TNNI3K: variants seen among roughly 807,000 people sequenced by gnomAD.
TNNI3K encodes the protein TNNI3 interacting kinase, also known as serine/threonine-protein kinase TNNI3K.
A neutral mutation model predicts 114.5 loss-of-function variants in TNNI3K; 140 were observed. The ratio of observed to expected loss-of-function variants is 1.22; its 90% CI spans 1.07 to 1.41. TNNI3K has a LOEUF of 1.41. TNNI3K is among the 40% of genes most tolerant of loss of function. The probability of loss-of-function intolerance (pLI) is 0.00; values close to 1 mark genes in which losing one functional copy is unlikely to be tolerated. For missense variants in TNNI3K, 1,125 were observed against 1,007.6 expected, an observed-to-expected ratio of 1.12 and a Z score of -1.58; for synonymous variants, 347 against 347.5, an observed-to-expected ratio of 1.00 and a Z score of 0.02.
At chr1:74,323,639 C>CGT (rs373090182) in intron 5 of TNNI3K, among the ~76,000 whole-genome samples, 15 of 151,596 alleles carry the variant, frequency 9.9e-5, no homozygotes, top group East Asian at 3.9e-4. Flanking sequence ...AAGAAAAACA[C>CGT]GTGTGTGTGT....
chr1:74,242,091 T>C (rs1300728913), intron 2 of TNNI3K, among the ~76,000 whole-genome samples: 2 of 152,030 alleles, frequency 1.3e-5, no homozygotes, highest in Non-Finnish European at 2.9e-5. Flanking sequence ...CCTCGTGATC[T>C]GCCCACCTTG....
intron 23 of TNNI3K, among the ~76,000 whole-genome samples, chr1:74,512,972 A>G (rs1646282175): frequency 6.6e-6 from 1 of 152,170 alleles, no homozygotes; most frequent in Non-Finnish European, 1.5e-5. Flanking sequence ...ACTATAGACG[A>G]CTTTTGCCCT....
intron 17 of TNNI3K, among the ~76,000 whole-genome samples, chr1:74,395,629 C>T (rs967022828): frequency 2.0e-5 from 3 of 152,112 alleles, no homozygotes; most frequent in African/African-American, 4.8e-5. Context: ...AGATACGAAG[C>T]GAGTGCAGAG....
chr1:74,332,403 C>A (rs937926938), intron 6 of TNNI3K, among the ~76,000 whole-genome samples: 1 of 151,914 alleles, frequency 6.6e-6, no homozygotes, highest in Non-Finnish European at 1.5e-5. Context: ...TGGGTTCACG[C>A]CATTCTCCTG....
At chr1:74,480,409 C>T (rs556107930) in intron 21 of TNNI3K, 2 of 717,542 alleles carry the variant, frequency 2.8e-6, no homozygotes, top group Admixed American at 2.0e-5. Context: ...AAGTGCAGCT[C>T]CACTGGTTCT....
At chr1:74,292,878 A>G (rs1166389841) in intron 5 of TNNI3K, among the ~76,000 whole-genome samples, 1 of 151,664 alleles carries the variant, frequency 6.6e-6, no homozygotes, top group Non-Finnish European at 1.5e-5. Flanking sequence ...TTATTGATAT[A>G]AAATTTAACA....
At chr1:74,314,058 T>C (rs1293176917) in intron 5 of TNNI3K, among the ~76,000 whole-genome samples, 3 of 9,316 alleles carry the variant, frequency 3.2e-4, no homozygotes, top group African/African-American at 8.8e-4. Flanking sequence ...TATATATATA[T>C]ATATATATAT....
At chr1:74,451,528 A>G (rs181267699) in intron 20 of TNNI3K, among the ~76,000 whole-genome samples, 157 of 151,938 alleles carry the variant, frequency 1.0e-3, no homozygotes, top group African/African-American at 3.5e-3. Context: ...TCCCTTTTTT[A>G]TACCTTCTTT....
chr1:74,311,950 C>T (rs2100353968), intron 5 of TNNI3K, among the ~76,000 whole-genome samples: 1 of 152,206 alleles, frequency 6.6e-6, no homozygotes, highest in African/African-American at 2.4e-5. Context: ...GCCTCATTAA[C>T]ATTATAAAGT....
At chr1:74,456,789 C>G (rs939703182) in intron 20 of TNNI3K, among the ~76,000 whole-genome samples, 6 of 152,096 alleles carry the variant, frequency 3.9e-5, no homozygotes, top group Non-Finnish European at 8.8e-5. Flanking sequence ...CCAATTTTTT[C>G]TAGGCAGGTT....
intron 21 of TNNI3K, chr1:74,481,010 A>T: frequency 1.5e-6 from 1 of 664,840 alleles, no homozygotes; most frequent in South Asian, 1.7e-5. Flanking sequence ...GGTACACATG[A>T]GTGGGAGGGA....
At chr1:74,399,448 C>A (rs1456903156) in intron 17 of TNNI3K, among the ~76,000 whole-genome samples, 1 of 152,140 alleles carries the variant, frequency 6.6e-6, no homozygotes, top group Non-Finnish European at 1.5e-5. Flanking sequence ...TCATGGTTCA[C>A]CACTTTCAGC....
Position 74,544,186 on chromosome 1 carries a change from C to A in TNNI3K, c.*204C>A. On this transcript the variant is annotated 3_prime_UTR_variant, in exon 25 of 25. Coordinates refer to ENST00000326637, the MANE Select transcript of TNNI3K (RefSeq NM_015978.3). ...GGAATAATATGCAAAAGAACCAAGA[C>A]AGAATGTATATGAAGAATTGTTTTT... 1.9e-6 allele frequency: 1 copy of A among 521,202 alleles called. No individual in the cohort carries two copies. Among genetic ancestry groups the A allele is most frequent in the Non-Finnish European group, 3.3e-6 (1 of 305,428 alleles). The allele number at this position is 521,202 out of a possible 1,614,324, so 32.3% of individuals were successfully genotyped here.
At chr1:74,313,596 A>G (rs1329814566) in intron 5 of TNNI3K, among the ~76,000 whole-genome samples, 1 of 152,162 alleles carries the variant, frequency 6.6e-6, no homozygotes, top group Non-Finnish European at 1.5e-5. Flanking sequence ...GGACTATAGT[A>G]GTACTCTTGG....
intron 5 of TNNI3K, among the ~76,000 whole-genome samples, chr1:74,293,875 T>C (rs1657820462): frequency 6.6e-6 from 1 of 151,772 alleles, no homozygotes; most frequent in African/African-American, 2.4e-5. Flanking sequence ...CTTCTATTGT[T>C]TGCTAAGAAT....
chr1:74,436,329 C>T, intron 18 of TNNI3K, 145 bp from the exon 19 acceptor site: 1 of 1,207,266 alleles, frequency 8.3e-7, no homozygotes, highest in East Asian at 2.6e-5. Context: ...TCTAGTTTTT[C>T]TTCTTTCTTA....
At chr1:74,511,273 A>G (rs1372522054) in intron 23 of TNNI3K, among the ~76,000 whole-genome samples, 1 of 150,668 alleles carries the variant, frequency 6.6e-6, no homozygotes, top group Non-Finnish European at 1.5e-5. Context: ...GCTCACCACA[A>G]CCTCTGCCTC....
intron 17 of TNNI3K, chr1:74,372,213 T>A (rs1446176805): frequency 2.0e-5 from 3 of 151,560 alleles, no homozygotes; most frequent in Admixed American, 2.0e-4. Flanking sequence ...AACATAAAGA[T>A]AATGGGTAAC....
chr1:74,305,985 G>A (rs1025506628), intron 5 of TNNI3K, among the ~76,000 whole-genome samples: 1 of 152,098 alleles, frequency 6.6e-6, no homozygotes, highest in African/African-American at 2.4e-5. Flanking sequence ...AGTGAACGTA[G>A]GTAGTTGTTC....
Sources: allele counts gnomAD v4.1 joint callset (sites outside exome capture counted in the v4.1 genomes callset), GRCh38; gene constraint gnomAD v4.1.1; transcripts MANE v1.5; gene names NCBI Gene and HGNC (gene_info 2026-07-23, HGNC 2026-07-21).